TMC3: variants seen among roughly 807,000 people sequenced by gnomAD.
TMC3 encodes transmembrane channel like 3, also known as transmembrane channel-like protein 3.
In TMC3, 98 loss-of-function variants were observed where a neutral mutation model predicts 110.6. The ratio of observed to expected loss-of-function variants is 0.89; its 90% confidence interval spans 0.75 to 1.05. The LOEUF (loss-of-function observed/expected upper bound fraction) is 1.05, where lower values mean the gene tolerates loss of function less well. TMC3 is among the 50% of genes least tolerant of loss of function. TMC3 has a pLI of 0.00. For missense variants in TMC3, 1,319 were observed against 1,373.2 expected (o/e 0.96, Z 0.62); for synonymous variants, 489 against 513.1 (o/e 0.95, Z 0.63).
rs988857904 is a variant in TMC3, at chr15:81,331,483, T to C, written c.*936A>G. ...AGACTATGGGGGAGCTACACTACAC[T>C]TAGCTTTTGAAGGAAAAAGTAAAAA... is the stretch of plus-strand genomic sequence containing the variant. On this transcript the variant is annotated 3_prime_UTR_variant, in exon 22 of 22. Coordinates refer to ENST00000359440, the MANE Select transcript of TMC3 (RefSeq NM_001080532.3). The C allele has an allele frequency of 4.6e-5, 7 of 152,210 alleles. No homozygotes were observed. The highest frequency in any genetic ancestry group is 1.7e-4 in the African/African-American group (7 of 41,456). The allele number at this position is 152,210 out of a possible 1,614,324, so 9.4% of individuals were successfully genotyped here.
chr15:81,365,661 A>G (rs1464077066), intron 3 of TMC3, among the ~76,000 whole-genome samples: 2 of 136,476 alleles, frequency 1.5e-5, no homozygotes, highest in African/African-American at 5.9e-5. Context: ...ACAGAGCAAG[A>G]CTCTGTCTCA....
At chr15:81,372,568 A>C (rs765246289) in intron 2 of TMC3, 23 bp downstream of exon 2, 1 of 1,612,674 alleles carries the variant, frequency 6.2e-7, no homozygotes, top group Non-Finnish European at 8.5e-7. Flanking sequence ...GTAATGATCA[A>C]TAATGGCCAT....
intron 2 of TMC3, among the ~76,000 whole-genome samples, chr15:81,368,676 G>A (rs1370185388): frequency 2.0e-5 from 3 of 152,084 alleles, no homozygotes; most frequent in African/African-American, 7.2e-5. Flanking sequence ...GTGCATCTCG[G>A]CCTCTTCACT....
chr15:81,369,373 A>G (rs567993242), intron 2 of TMC3, among the ~76,000 whole-genome samples: 1 of 152,142 alleles, frequency 6.6e-6, no homozygotes, highest in South Asian at 2.1e-4. Flanking sequence ...AGCCCAGCCA[A>G]TGCATTGACT....
chr15:81,346,468 G>A, intron 11 of TMC3, 25 bp from the exon 12 acceptor site: 1 of 1,609,324 alleles, frequency 6.2e-7, no homozygotes, highest in Non-Finnish European at 8.5e-7. Flanking sequence ...CCCACCTTGA[G>A]AAACAAGACC....
At position 81,333,137 on chromosome 15, in the gene TMC3, T is replaced by G; in HGVS notation, c.2585A>C (p.Gln862Pro). 6.2e-7 allele frequency: 1 copy of G among 1,614,062 alleles called. No homozygotes were observed. The highest frequency in any genetic ancestry group is 1.3e-5 in the African/African-American group (1 of 75,050). ...SEPLFRKDFQ[Q>P]INPPHRGPQA... ...TGGTCCACGGTGAGGAGGGTTGATT[T>G]GCTGAAAGTCTTTTCGGAAAAGAGG... The change falls in exon 22 of 22, where the codon CAA (glutamine) becomes CCA (proline). Residue 862 changes from glutamine (Q) to proline (P), a missense_variant. Coordinates refer to ENST00000359440, the MANE Select transcript of TMC3 (RefSeq NM_001080532.3).
chr15:81,334,438 A>G (rs944564345), intron 21 of TMC3, among the ~76,000 whole-genome samples: 1 of 152,212 alleles, frequency 6.6e-6, no homozygotes, highest in African/African-American at 2.4e-5. Flanking sequence ...ACTAAAAAAT[A>G]AACAGTTATT....
chr15:81,353,810 CTT>C (rs1443244591), intron 9 of TMC3, among the ~76,000 whole-genome samples: 1 of 152,216 alleles, frequency 6.6e-6, no homozygotes, highest in East Asian at 1.9e-4. Context: ...TCTTAATTGT[CTT>C]TTCTCTTTAG....
chr15:81,338,631 A>C, intron 18 of TMC3, 24 bp downstream of exon 18: 1 of 1,608,030 alleles, frequency 6.2e-7, no homozygotes, highest in Non-Finnish European at 8.5e-7. Context: ...AAGTCCCTCC[A>C]AAGCTGGCAG....
Position 81,374,170 on chromosome 15 carries a change from G to A in TMC3, c.-93C>T. 1 of 1,134,070 alleles carries A rather than the reference G, an allele frequency of 8.8e-7. No homozygotes were observed. Among genetic ancestry groups the A allele is most frequent in the Non-Finnish European group, 1.3e-6 (1 of 768,390 alleles). The allele number at this position is 1,134,070 out of a possible 1,614,324, so 70.3% of individuals were successfully genotyped here. ...GTTCCGAGGTTTCTGAATGGAAGCA[G>A]CGGAGTTTGCTCTGCCCGCTAGTTC... On this transcript the variant is annotated 5_prime_UTR_variant, in exon 1 of 22. Transcript: ENST00000359440.
chr15:81,361,165 C>T (rs7169554), intron 4 of TMC3, among the ~76,000 whole-genome samples: 54,772 of 151,890 alleles, frequency 0.36, 11,759 homozygotes, highest in African/African-American at 0.58. Flanking sequence ...TTTAGCTTTA[C>T]TTTTTATGTA....
intron 16 of TMC3, 94 bp downstream of exon 16, chr15:81,341,296 G>T: frequency 7.4e-7 from 1 of 1,345,472 alleles, no homozygotes; most frequent in Non-Finnish European, 9.9e-7. Context: ...AGAGTTGGGG[G>T]GACCCTTTGC....
intron 15 of TMC3, among the ~76,000 whole-genome samples, chr15:81,341,952 C>G (rs1893725127): frequency 6.6e-6 from 1 of 152,206 alleles, no homozygotes; most frequent in Non-Finnish European, 1.5e-5. Flanking sequence ...AGCATCCTCA[C>G]ACATTTCAGT....
intron 11 of TMC3, 108 bp downstream of exon 11, chr15:81,349,350 T>A (rs1893892432): frequency 1.8e-6 from 1 of 568,852 alleles, no homozygotes; most frequent in Non-Finnish European, 2.8e-6. Context: ...CTGTGCTGAT[T>A]GTCTGAGAGA....
At chr15:81,338,337 G>A (rs984361755) in intron 18 of TMC3, among the ~76,000 whole-genome samples, 12 of 152,106 alleles carry the variant, frequency 7.9e-5, no homozygotes, top group Non-Finnish European at 4.4e-5. Context: ...TAAGTTTCTA[G>A]AAAATGATAA....
rs1006822075 is a variant in TMC3, at chr15:81,332,465, T to C, written c.3257A>G (p.Gln1086Arg). 6.2e-7 allele frequency: 1 copy of C among 1,612,400 alleles called. No individual in the cohort carries two copies. Among genetic ancestry groups the C allele is most frequent in the Admixed American group, 1.7e-5 (1 of 59,848 alleles). Residue 1086 changes from glutamine (Q) to arginine (R), a missense_variant, in exon 22 of 22, where the codon CAG becomes CGG. Gln to Arg is a conservative substitution (Grantham distance 43, BLOSUM62 1). Transcript: ENST00000359440. Reference sequence around the variant, plus strand: ...GTCATCCAGATCCACGGTCAGCTCCTGCCCCGACTTGGCCTTCCTCCTGCT... The same window carrying C: ...GTCATCCAGATCCACGGTCAGCTCCCGCCCCGACTTGGCCTTCCTCCTGCT... ...QPSRRKAKSG[Q>R]ELTVDLDDLI...
intron 11 of TMC3, among the ~76,000 whole-genome samples, chr15:81,348,446 A>G (rs28524742): frequency 0.16 from 23,864 of 152,086 alleles, 3,571 homozygotes; most frequent in African/African-American, 0.4. Flanking sequence ...CTCCGGGGAG[A>G]ACAGGCAAAT....
In TMC3 at chr15:81,358,219, G is replaced by A. The variant is rs772703677; in HGVS notation, c.673C>T (p.Arg225Trp). The change falls in exon 7 of 22, where the codon CGG (arginine) becomes TGG (tryptophan). Residue 225 changes from arginine to tryptophan, a missense_variant. Physicochemically the swap from Arg to Trp is moderately radical, Grantham distance 101. Coordinates refer to ENST00000359440, the MANE Select transcript of TMC3 (RefSeq NM_001080532.3). ...ACTAGGAAATACGCCAAGGGCAGCCGGTAGCCAGCTCTCCCGATCTTCCTC... is the reference window on the plus strand; with the variant it reads ...ACTAGGAAATACGCCAAGGGCAGCCAGTAGCCAGCTCTCCCGATCTTCCTC... ...RERKIGRAGY[R>W]LPLAYFLVGM... The A allele has an allele frequency of 1.7e-5, 28 of 1,613,310 alleles. No homozygotes were observed. The highest frequency in any genetic ancestry group is 1.6e-4 in the Middle Eastern group (1 of 6,084).
rs772102444 is a variant in TMC3 at position 81,362,267 on chromosome 15, A to G, written c.347T>C (p.Phe116Ser). 6.2e-7 allele frequency: 1 copy of G among 1,612,768 alleles called. No homozygotes were observed. Among genetic ancestry groups the G allele is most frequent in the Non-Finnish European group, 8.5e-7 (1 of 1,179,290 alleles). The change falls in exon 4 of 22, where the codon TTT (phenylalanine) becomes TCT (serine). Residue 116 changes from phenylalanine to serine, a missense_variant. Phe to Ser is a radical substitution (Grantham distance 155). Coordinates refer to ENST00000359440, the MANE Select transcript of TMC3 (RefSeq NM_001080532.3). ...WRKFARLACN[F>S]VVIFIPWEMR... Reference sequence around the variant, plus strand: ...TTCCCAGGGAATGAAGATGACCACAAAGTTACAGGCGAGACGAGCAAATTT... The same window carrying G: ...TTCCCAGGGAATGAAGATGACCACAGAGTTACAGGCGAGACGAGCAAATTT...
Sources: allele counts gnomAD v4.1 joint callset (sites outside exome capture counted in the v4.1 genomes callset), GRCh38; gene constraint gnomAD v4.1.1; transcripts MANE v1.5; gene names NCBI Gene and HGNC (gene_info 2026-07-23, HGNC 2026-07-21).